Variants in NSMCE2 observed in about 807,000 individuals in gnomAD.
The protein encoded by NSMCE2 is NSE2 SUMO ligase component of SMC5/6 complex.
A neutral mutation model predicts 23.8 loss-of-function variants in NSMCE2; 24 were observed. The observed-to-expected ratio is 1.01, with a 90% CI of 0.73 to 1.42. NSMCE2 has a LOEUF of 1.42. Ranked by LOEUF, NSMCE2 falls within the 40% of genes most tolerant of loss-of-function variation. NSMCE2 has a pLI of 0.00. For synonymous variants in NSMCE2, 92 were observed against 94.1 expected, an observed-to-expected ratio of 0.98 and a Z score of 0.13; for missense variants, 284 against 296.5, an observed-to-expected ratio of 0.96 and a Z score of 0.31.
chr8:125,110,065 T>A (rs1347280227), intron 3 of NSMCE2, among the ~76,000 whole-genome samples: 1 of 152,154 alleles, frequency 6.6e-6, no homozygotes, highest in Non-Finnish European at 1.5e-5. Context: ...CGCTTTAGGT[T>A]TAGTTAAGTA....
intron 5 of NSMCE2, among the ~76,000 whole-genome samples, chr8:125,250,827 T>C (rs1826173007): frequency 6.6e-6 from 1 of 152,122 alleles, no homozygotes; most frequent in African/African-American, 2.4e-5. Flanking sequence ...ATTTCTTAGT[T>C]TTTATGTTTT....
chr8:125,365,742 A>G (rs1266833028), intron 7 of NSMCE2, among the ~76,000 whole-genome samples: 1 of 152,192 alleles, frequency 6.6e-6, no homozygotes, highest in African/African-American at 2.4e-5. Flanking sequence ...CTGTAATCCC[A>G]GCTACTCAGG....
At chr8:125,341,022 G>A (rs929965989) in intron 5 of NSMCE2, among the ~76,000 whole-genome samples, 1 of 152,048 alleles carries the variant, frequency 6.6e-6, no homozygotes, top group Non-Finnish European at 1.5e-5. Context: ...GCATGTGGTC[G>A]GGGGCCTCAA....
intron 5 of NSMCE2, among the ~76,000 whole-genome samples, chr8:125,253,102 A>G (rs1195131594): frequency 6.6e-6 from 1 of 152,232 alleles, no homozygotes; most frequent in Non-Finnish European, 1.5e-5. Context: ...TTGGAAAGAA[A>G]TTGGTGCCCT....
chr8:125,246,065 A>T (rs1825949209), intron 5 of NSMCE2, among the ~76,000 whole-genome samples: 1 of 152,202 alleles, frequency 6.6e-6, no homozygotes, highest in Non-Finnish European at 1.5e-5. Context: ...GTATATAACC[A>T]TAGACGTGTT....
chr8:125,217,463 C>G (rs923894903), intron 5 of NSMCE2, among the ~76,000 whole-genome samples: 1 of 152,062 alleles, frequency 6.6e-6, no homozygotes, highest in African/African-American at 2.4e-5. Context: ...CAGGTTCATG[C>G]CATTCTCCTG....
At chr8:125,133,841 C>T (rs181201323) in intron 3 of NSMCE2, among the ~76,000 whole-genome samples, 6 of 151,956 alleles carry the variant, frequency 3.9e-5, no homozygotes, top group Admixed American at 1.3e-4. Flanking sequence ...TCAGAGAAAA[C>T]GCCGTTTATG....
At chr8:125,096,803 G>C (rs1355296676) in intron 1 of NSMCE2, among the ~76,000 whole-genome samples, 2 of 151,950 alleles carry the variant, frequency 1.3e-5, no homozygotes, top group African/African-American at 4.8e-5. Context: ...TAGGGATGGG[G>C]CTTCACCATG....
intron 5 of NSMCE2, among the ~76,000 whole-genome samples, chr8:125,281,692 C>T (rs530962719): frequency 6.6e-6 from 1 of 151,768 alleles, no homozygotes; most frequent in East Asian, 1.9e-4. Flanking sequence ...TTACCCGCCT[C>T]AGCCTCCCAA....
rs71295847 is a variant in NSMCE2 at position 125,333,505 on chromosome 8, C to CTTTTTTTTT, written c.419-23695_419-23687dup. ...TTCTAATGTAGTTTTCCTGGTGGTT[C>CTTTTTTTTT]TTTTTTTTTTTTTTTTTTTTTTTTT... On this transcript the variant is annotated intron_variant, in intron 5 of 7. Transcript: ENST00000287437. Among the ~76,000 whole-genome samples, 449 of 45,632 alleles carry CTTTTTTTTT rather than the reference C, an allele frequency of 9.8e-3. 101 individuals are homozygous for CTTTTTTTTT. Among genetic ancestry groups the CTTTTTTTTT allele is most frequent in the Non-Finnish European group, 0.014 (366 of 26,618 alleles). 29.9% of individuals were successfully genotyped at this position (45,632 alleles called of 152,430 possible). A position where few individuals can be genotyped will look rare whatever the true frequency, so the allele number is the denominator to read the frequency against.
chr8:125,150,426 CTTTTTT>C (rs71295819), intron 3 of NSMCE2, among the ~76,000 whole-genome samples: 29 of 61,870 alleles, frequency 4.7e-4, no homozygotes, highest in African/African-American at 1.4e-3. Context: ...TTCTTTCTTT[CTTTTTT>C]TTTTTTTTTT....
intron 5 of NSMCE2, among the ~76,000 whole-genome samples, chr8:125,210,194 G>A (rs1425745205): frequency 6.6e-6 from 1 of 152,188 alleles, no homozygotes; most frequent in Non-Finnish European, 1.5e-5. Flanking sequence ...TCAAAGGATT[G>A]TTGTGGAGAT....
chr8:125,340,062 G>T (rs1482708781), intron 5 of NSMCE2, among the ~76,000 whole-genome samples: 8 of 142,470 alleles, frequency 5.6e-5, no homozygotes, highest in African/African-American at 1.6e-4. Flanking sequence ...TGGCCCAGGC[G>T]GGAGTGCAGT....
chr8:125,335,174 T>TTACTGC (rs938717456), intron 5 of NSMCE2, among the ~76,000 whole-genome samples: 1 of 152,144 alleles, frequency 6.6e-6, no homozygotes, highest in Non-Finnish European at 1.5e-5. Flanking sequence ...CCACTCAGAA[T>TTACTGC]TACTGCCAAG....
At chr8:125,189,601 G>A (rs192041236) in intron 5 of NSMCE2, among the ~76,000 whole-genome samples, 221 of 152,134 alleles carry the variant, frequency 1.5e-3, no homozygotes, top group African/African-American at 5.1e-3. Flanking sequence ...AGAAAAAGAG[G>A]GTCAGAACAT....
chr8:125,119,390 G>A (rs2130484287), intron 3 of NSMCE2, among the ~76,000 whole-genome samples: 1 of 152,326 alleles, frequency 6.6e-6, no homozygotes, highest in East Asian at 1.9e-4. Context: ...TTTTAAAACA[G>A]CGTGTATAGT....
intron 5 of NSMCE2, among the ~76,000 whole-genome samples, chr8:125,280,521 A>G (rs1827648077): frequency 6.6e-6 from 1 of 152,262 alleles, no homozygotes; most frequent in Non-Finnish European, 1.5e-5. Flanking sequence ...CTTTCTAACA[A>G]ACAGGATTGT....
At chr8:125,097,550 CT>C (rs1817997066) in intron 1 of NSMCE2, among the ~76,000 whole-genome samples, 1 of 152,282 alleles carries the variant, frequency 6.6e-6, no homozygotes, top group East Asian at 1.9e-4. Flanking sequence ...TCCTGAGTAC[CT>C]TTTATGGTCC....
chr8:125,321,098 C>T (rs1434329527), intron 5 of NSMCE2, among the ~76,000 whole-genome samples: 1 of 152,068 alleles, frequency 6.6e-6, no homozygotes, highest in African/African-American at 2.4e-5. Flanking sequence ...CAGTCACCTC[C>T]CACCAGGCCC....
Sources: allele counts gnomAD v4.1 joint callset (sites outside exome capture counted in the v4.1 genomes callset), GRCh38; gene constraint gnomAD v4.1.1; transcripts MANE v1.5; gene names NCBI Gene and HGNC (gene_info 2026-07-23, HGNC 2026-07-21).